STPG2: variants seen among roughly 807,000 people sequenced by gnomAD.
STPG2 encodes sperm tail PG-rich repeat containing 2.
A neutral mutation model predicts 54.2 loss-of-function variants in STPG2; 56 were observed. The observed-to-expected ratio is 1.03, with a 90% CI of 0.83 to 1.29. The LOEUF (loss-of-function observed/expected upper bound fraction) is 1.29, where lower values mean the gene tolerates loss of function less well. Among genes scored for constraint, STPG2 ranks in the 50% most tolerant of loss-of-function variants. The pLI is 0.00. For synonymous variants in STPG2, 200 were observed against 181.8 expected, an observed-to-expected ratio of 1.10 and a Z score of -0.81; for missense variants, 596 against 544.9, an observed-to-expected ratio of 1.09 and a Z score of -0.93.
chr4:97,522,357 A>G (rs1731201024), intron 4 of STPG2, among the ~76,000 whole-genome samples: 1 of 151,998 alleles, frequency 6.6e-6, no homozygotes, highest in African/African-American at 2.4e-5. Flanking sequence ...TATAATCATT[A>G]CTACTTTTCT....
intron 8 of STPG2, among the ~76,000 whole-genome samples, chr4:97,885,528 G>T (rs968975266): frequency 6.6e-6 from 1 of 152,140 alleles, no homozygotes; most frequent in African/African-American, 2.4e-5. Context: ...AGGATACCTA[G>T]TGTTTCAAAG....
intron 4 of STPG2, among the ~76,000 whole-genome samples, chr4:97,474,063 C>T (rs962700969): frequency 2.0e-5 from 3 of 151,698 alleles, no homozygotes; most frequent in Non-Finnish European, 4.4e-5. Flanking sequence ...AAGAGTGAAC[C>T]CTAATGTAAA....
At chr4:97,939,839 C>A (rs1732907911) in intron 8 of STPG2, among the ~76,000 whole-genome samples, 1 of 152,144 alleles carries the variant, frequency 6.6e-6, no homozygotes, top group Admixed American at 6.5e-5. Flanking sequence ...TTGATCCTGG[C>A]ATTGTGCTGT....
chr4:97,696,413 T>G (rs1417032505), intron 10 of STPG2, among the ~76,000 whole-genome samples: 1 of 152,160 alleles, frequency 6.6e-6, no homozygotes, highest in Non-Finnish European at 1.5e-5. Flanking sequence ...CCTGAAACCA[T>G]ACAAATTCCA....
intron 4 of STPG2, among the ~76,000 whole-genome samples, chr4:97,446,197 A>G (rs1318071410): frequency 6.6e-6 from 1 of 152,248 alleles, no homozygotes; most frequent in East Asian, 1.9e-4. Flanking sequence ...GGTTAATTAA[A>G]AAGCAACTCA....
intron 10 of STPG2, among the ~76,000 whole-genome samples, chr4:97,697,767 C>T (rs1170193670): frequency 6.6e-6 from 1 of 152,124 alleles, no homozygotes; most frequent in African/African-American, 2.4e-5. Context: ...AACACCTGGC[C>T]CACCCAAGGT....
At chr4:97,639,942 A>G (rs1263452063) in intron 10 of STPG2, among the ~76,000 whole-genome samples, 1 of 152,160 alleles carries the variant, frequency 6.6e-6, no homozygotes, top group Non-Finnish European at 1.5e-5. Flanking sequence ...ATATTCACAT[A>G]TAGTAACTTA....
intron 8 of STPG2, among the ~76,000 whole-genome samples, chr4:97,869,851 T>C (rs1157105202): frequency 6.6e-6 from 1 of 151,576 alleles, no homozygotes; most frequent in African/African-American, 2.4e-5. Flanking sequence ...GCCTCAAATA[T>C]TTGTCTACAA....
Position 97,958,691 on chromosome 4 carries a change from GCAT to G in STPG2, c.933+13586_933+13588del, listed in dbSNP as rs370627248. Among the ~76,000 whole-genome samples, 20 of 152,244 alleles carry G rather than the reference GCAT, an allele frequency of 1.3e-4. No individual in the cohort carries two copies. In the East Asian group the frequency reaches 3.9e-3, roughly 29 times the overall value. On this transcript the variant is annotated intron_variant, in intron 7 of 10. Transcript: ENST00000295268. ...AAATATCACAATCCTAAATATATATGCATCTAATACTGGAGCTCCCAAATTTAT... is the reference window on the plus strand; with the variant it reads ...AAATATCACAATCCTAAATATATATGCTAATACTGGAGCTCCCAAATTTAT...
At chr4:97,631,808 A>C (rs1721290672) in intron 10 of STPG2, among the ~76,000 whole-genome samples, 1 of 152,146 alleles carries the variant, frequency 6.6e-6, no homozygotes, top group Non-Finnish European at 1.5e-5. Flanking sequence ...CAGTACCATT[A>C]ACCTGTGACA....
rs115562886 is a variant in STPG2 at position 97,478,001 on chromosome 4, A to G, written c.462+234698T>C. The stretch of plus-strand genomic sequence containing the variant: ...CTTGTGAAGAATAGGAAGTCTAATT[A>G]AAGAGATTAAGCTATCGCATAAGTA... On this transcript the variant is annotated intron_variant, in intron 4 of 4. Coordinates refer to the STPG2 transcript ENST00000522676. 4.8e-3 allele frequency among the ~76,000 whole-genome samples: 731 copies of G among 152,300 alleles called. 8 individuals carry two copies. The highest frequency in any genetic ancestry group is 0.016 in the African/African-American group (683 of 41,564).
chr4:97,531,420 C>T (rs1360230148), intron 4 of STPG2, among the ~76,000 whole-genome samples: 2 of 152,158 alleles, frequency 1.3e-5, no homozygotes, highest in Non-Finnish European at 2.9e-5. Flanking sequence ...ATACTTGTTG[C>T]AGCACTGTTC....
At chr4:97,484,159 G>T (rs1334562881) in intron 4 of STPG2, among the ~76,000 whole-genome samples, 1 of 151,490 alleles carries the variant, frequency 6.6e-6, no homozygotes. Context: ...ATACATCAAA[G>T]AACTAGAGAA....
At chr4:97,833,451 G>C (rs980097878) in intron 9 of STPG2, among the ~76,000 whole-genome samples, 1 of 152,110 alleles carries the variant, frequency 6.6e-6, no homozygotes, top group Non-Finnish European at 1.5e-5. Context: ...CATGGGGAAA[G>C]ACTTTATGAT....
chr4:97,539,627 A>T (rs1433581937), intron 4 of STPG2, among the ~76,000 whole-genome samples: 2 of 152,218 alleles, frequency 1.3e-5, no homozygotes, highest in Non-Finnish European at 2.9e-5. Flanking sequence ...AACATTAGAC[A>T]GATCAATGAG....
intron 10 of STPG2, among the ~76,000 whole-genome samples, chr4:97,691,801 G>T (rs542677599): frequency 6.6e-6 from 1 of 152,200 alleles, no homozygotes; most frequent in African/African-American, 2.4e-5. Context: ...TCACTTCCTG[G>T]CTACCTCCAC....
intron 10 of STPG2, among the ~76,000 whole-genome samples, chr4:97,688,364 T>G (rs190910499): frequency 4.6e-4 from 70 of 152,146 alleles, no homozygotes; most frequent in African/African-American, 1.6e-3. Flanking sequence ...ATGCCAAGGT[T>G]TTTTTGTTTT....
chr4:97,968,194 C>T (rs577138041), intron 7 of STPG2, among the ~76,000 whole-genome samples: 1 of 152,106 alleles, frequency 6.6e-6, no homozygotes, highest in Non-Finnish European at 1.5e-5. Flanking sequence ...ACCAACCCCA[C>T]AGAAATACAA....
chr4:97,770,237 GA>G (rs1284291463), intron 9 of STPG2, among the ~76,000 whole-genome samples: 1 of 151,944 alleles, frequency 6.6e-6, no homozygotes, highest in Non-Finnish European at 1.5e-5. Context: ...TAAAATACAT[GA>G]AAAAAGTACC....
Sources: gnomAD v4.1 joint callset for allele counts (sites outside exome capture counted in the v4.1 genomes callset) on GRCh38, gnomAD v4.1.1 for gene constraint, MANE v1.5 for transcripts, NCBI Gene and HGNC (gene_info 2026-07-23, HGNC 2026-07-21) for gene names.